MBP: variants seen among roughly 807,000 people sequenced by gnomAD.
MBP encodes the protein myelin basic protein.
In MBP, 16 loss-of-function variants were observed where a neutral mutation model predicts 35.8. The observed-to-expected ratio is 0.45, with a 90% CI of 0.30 to 0.68. The LOEUF (loss-of-function observed/expected upper bound fraction) is 0.68. Ranked by LOEUF, MBP falls within the 30% of genes least tolerant of loss-of-function variation. The pLI, the probability that MBP is intolerant of heterozygous loss-of-function variation, is 0.08. For missense variants in MBP, 380 were observed against 404.7 expected, an observed-to-expected ratio of 0.94 and a Z score of 0.52; for synonymous variants, 143 against 159.6, an observed-to-expected ratio of 0.90 and a Z score of 0.78.
At chr18:77,120,861 G>A (rs1275517585) in intron 1 of MBP, among the ~76,000 whole-genome samples, 1 of 152,166 alleles carries the variant, frequency 6.6e-6, no homozygotes, top group Non-Finnish European at 1.5e-5. Context: ...AAAAACAAAC[G>A]AAGTTGAATC....
chr18:77,013,670 T>C, intron 4 of MBP: 1 of 985,414 alleles, frequency 1.0e-6, no homozygotes, highest in African/African-American at 1.7e-5. Context: ...AATGAAGGTT[T>C]TCACATAAAA....
At chr18:77,066,598 C>G (rs1349032396) in intron 2 of MBP, 1 of 748,988 alleles carries the variant, frequency 1.3e-6, no homozygotes, top group Admixed American at 1.7e-5. Flanking sequence ...CACCTAAGCA[C>G]TTTCTGGACC....
chr18:77,029,087 C>G lies in MBP; in HGVS notation c.140-11819G>C, dbSNP rs192587152. Among the ~76,000 whole-genome samples the G allele has an allele frequency of 8.4e-3, 837 of 99,156 alleles. 61 individuals carry two copies. The highest frequency in any genetic ancestry group is 0.023 in the African/African-American group (798 of 34,864). The allele number at this position is 99,156 out of a possible 152,430, so 65.1% of individuals were successfully genotyped here. A position where few individuals can be genotyped will look rare whatever the true frequency, so the allele number is the denominator to read the frequency against. On this transcript the variant is annotated intron_variant, in intron 3 of 8. Transcript: ENST00000355994. The stretch of plus-strand genomic sequence containing the variant: ...CTGGGAGGTGGAGGTTGTAGCGAGC[C>G]GAGATCTCGCCACTGCACCCCAGCC...
chr18:77,081,990 T>G (rs945430870), intron 2 of MBP, among the ~76,000 whole-genome samples: 25 of 151,712 alleles, frequency 1.6e-4, no homozygotes, highest in African/African-American at 5.8e-4. Flanking sequence ...TAGCTGGGAC[T>G]ACAGGTGCCC....
At chr18:77,076,991 T>A (rs978321687) in intron 2 of MBP, among the ~76,000 whole-genome samples, 1 of 152,180 alleles carries the variant, frequency 6.6e-6, no homozygotes, top group Non-Finnish European at 1.5e-5. Flanking sequence ...CCTCTTATTG[T>A]TATCAGGAAG....
At chr18:77,017,338 G>C in intron 3 of MBP, 70 bp from the exon 4 acceptor site, 1 of 1,405,932 alleles carries the variant, frequency 7.1e-7, no homozygotes, top group Non-Finnish European at 9.4e-7. Context: ...AGCTTTCTCT[G>C]AGGGGTCTTG....
chr18:77,087,189 C>T (rs543664218), intron 2 of MBP, among the ~76,000 whole-genome samples: 2 of 152,336 alleles, frequency 1.3e-5, no homozygotes, highest in South Asian at 2.1e-4. Flanking sequence ...ATCCAGGAGG[C>T]GAAATAGCCC....
chr18:77,099,493 A>G (rs1269928593), intron 2 of MBP, among the ~76,000 whole-genome samples: 1 of 152,260 alleles, frequency 6.6e-6, no homozygotes, highest in Non-Finnish European at 1.5e-5. Context: ...AAGACATGAC[A>G]TTAAAATGAT....
intron 8 of MBP, chr18:76,984,514 C>T (rs1304198735): frequency 1.3e-5 from 6 of 462,012 alleles, no homozygotes; most frequent in Admixed American, 3.4e-5. Context: ...CAAGGTCAGT[C>T]GCCTGCTCCA....
At chr18:77,126,335 A>T (rs1275518888) in intron 1 of MBP, among the ~76,000 whole-genome samples, 2 of 152,204 alleles carry the variant, frequency 1.3e-5, no homozygotes, top group African/African-American at 4.8e-5. Context: ...TGAACATATA[A>T]ATTGTCCCAG....
At chr18:76,985,389 G>C in intron 7 of MBP, 2 of 1,244,070 alleles carry the variant, frequency 1.6e-6, no homozygotes, top group Non-Finnish European at 2.1e-6. Flanking sequence ...GATTTGCACA[G>C]ATTGGATTCT....
At chr18:77,063,665 C>T (rs763013860) in intron 3 of MBP, among the ~76,000 whole-genome samples, 6 of 152,108 alleles carry the variant, frequency 3.9e-5, no homozygotes, top group Non-Finnish European at 5.9e-5. Context: ...AAAACACAAC[C>T]CACGTTTGTG....
chr18:77,118,646 CCACA>C (rs71174610), intron 1 of MBP, among the ~76,000 whole-genome samples: 9,848 of 135,218 alleles, frequency 0.073, 504 homozygotes, highest in East Asian at 0.2. Flanking sequence ...ACACTACACA[CCACA>C]CACACACACA....
At position 77,111,363 on chromosome 18, in the gene MBP, T is replaced by TA. The variant is rs200515302; in HGVS notation, c.-25-6078dup. ...ACTGTGTGCAAAATAATAAAGGAGA[T>TA]ACCATGTAGAATTCAGGTAGAGAGA... On this transcript the variant is annotated intron_variant, in intron 1 of 8. Coordinates refer to ENST00000355994, the MANE Select transcript of MBP (RefSeq NM_001025101.2). 1.7e-3 allele frequency among the ~76,000 whole-genome samples: 254 copies of TA among 152,316 alleles called. 5 individuals are homozygous for TA. The East Asian group carries it at 0.04, about 24-fold the overall frequency.
intron 2 of MBP, among the ~76,000 whole-genome samples, chr18:77,085,085 G>A (rs1975167619): frequency 6.6e-6 from 1 of 152,042 alleles, no homozygotes; most frequent in African/African-American, 2.4e-5. Flanking sequence ...GTTAAGGGCC[G>A]TTATTCAGTT....
At position 76,980,431 on chromosome 18, in the gene MBP, C is replaced by T. The variant is rs1051415090; in HGVS notation, c.911G>A (p.Arg304His). The change falls in exon 9 of 9, where the codon CGC becomes CAC. Residue 304 changes from arginine to histidine, a missense_variant. Arg to His is a conservative substitution (Grantham distance 29). Coordinates refer to ENST00000355994, the MANE Select transcript of MBP (RefSeq NM_001025101.2). ...DSRSGSPMARR is the reference protein window; with the variant it reads ...DSRSGSPMARH ...ATTCCGGAACCAGGTGGGTTTTCAGCGTCTAGCCATGGGTGATCCAGAGCG... is the reference window on the plus strand; with the variant it reads ...ATTCCGGAACCAGGTGGGTTTTCAGTGTCTAGCCATGGGTGATCCAGAGCG... 1.2e-5 allele frequency: 20 copies of T among 1,613,674 alleles called. No individual in the cohort carries two copies. The highest frequency in any genetic ancestry group is 1.6e-5 in the Non-Finnish European group (19 of 1,179,666).
Position 76,989,627 on chromosome 18 carries a change from C to T in MBP, c.681+329G>A. 6.3e-6 allele frequency: 2 copies of T among 318,068 alleles called. No homozygotes were observed. Among genetic ancestry groups the T allele is most frequent in the South Asian group, 2.9e-5 (1 of 34,884 alleles). The allele number at this position is 318,068 out of a possible 1,614,324, so 19.7% of individuals were successfully genotyped here. On this transcript the variant is annotated intron_variant, in intron 5 of 8. Transcript: ENST00000355994. This position sits in a 1 kb window ranked among gnomAD's most constrained non-coding sequence, Gnocchi z 4.0. ...TGCCCTGTGCTCTCTCTGCTGCCCC[C>T]TCCGCTCCCAGCCCATGGCAAGCAC...
chr18:77,040,680 A>G (rs1972956286), intron 3 of MBP, among the ~76,000 whole-genome samples: 1 of 152,244 alleles, frequency 6.6e-6, no homozygotes, highest in African/African-American at 2.4e-5. Context: ...AGAAATGGGG[A>G]AAGGATTCCC....
chr18:76,997,967 C>A (rs910426379), intron 4 of MBP, among the ~76,000 whole-genome samples: 57 of 152,198 alleles, frequency 3.7e-4, no homozygotes, highest in Non-Finnish European at 5.0e-4. Flanking sequence ...CAGGCGTGAG[C>A]CACCACGCCC....
Sources: allele counts gnomAD v4.1 joint callset (sites outside exome capture counted in the v4.1 genomes callset), GRCh38; gene constraint gnomAD v4.1.1; non-coding constraint Gnocchi (gnomAD v3.1); transcripts MANE v1.5; gene names NCBI Gene and HGNC (gene_info 2026-07-23, HGNC 2026-07-21).